Variants in RARB observed in about 807,000 individuals in gnomAD.
RARB encodes HBV-activated protein.
RARB carries 17 observed loss-of-function variants against 51.9 expected under a neutral mutation model. That is an observed-to-expected ratio of 0.33 (90% CI 0.22 to 0.49). The LOEUF is 0.49. Among genes scored for constraint, RARB ranks in the 20% least tolerant of loss-of-function variants. RARB has a pLI of 0.99. For synonymous variants in RARB, 215 were observed against 195.4 expected, an observed-to-expected ratio of 1.10 and a Z score of -0.84; for missense variants, 369 against 550.8, an observed-to-expected ratio of 0.67 and a Z score of 3.30.
intron 3 of RARB, among the ~76,000 whole-genome samples, chr3:25,092,011 T>C (rs1489878427): frequency 6.6e-6 from 1 of 152,136 alleles, no homozygotes; most frequent in Non-Finnish European, 1.5e-5. Flanking sequence ...CAATGTTCTT[T>C]TATGGACTTG....
chr3:25,209,563 C>G (rs1482593303), intron 5 of RARB, among the ~76,000 whole-genome samples: 1 of 152,264 alleles, frequency 6.6e-6, no homozygotes, highest in Non-Finnish European at 1.5e-5. Flanking sequence ...GGGAGGCAGA[C>G]CCATGGATAC....
chr3:25,384,419 T>C (rs1171398592), intron 5 of RARB, among the ~76,000 whole-genome samples: 1 of 152,230 alleles, frequency 6.6e-6, no homozygotes, highest in Non-Finnish European at 1.5e-5. Flanking sequence ...TTGTCCTCTA[T>C]ATTGGGCAAA....
chr3:24,937,061 T>C (rs182707815), intron 2 of RARB, among the ~76,000 whole-genome samples: 4 of 152,200 alleles, frequency 2.6e-5, no homozygotes, highest in Non-Finnish European at 5.9e-5. Flanking sequence ...TGTAAAAGAA[T>C]GTAACATTCA....
At chr3:25,182,269 A>G (rs1376329589) in intron 5 of RARB, among the ~76,000 whole-genome samples, 1 of 152,226 alleles carries the variant, frequency 6.6e-6, no homozygotes, top group Non-Finnish European at 1.5e-5. Context: ...TAAATGCTCT[A>G]GCTGTTGAGA....
At chr3:25,410,865 C>A (rs2125500448) in intron 5 of RARB, among the ~76,000 whole-genome samples, 1 of 152,358 alleles carries the variant, frequency 6.6e-6, no homozygotes, top group South Asian at 2.1e-4. Flanking sequence ...CCAACCCCTG[C>A]TCTGCAGAGA....
chr3:25,160,238 T>C (rs1004303393), intron 4 of RARB, among the ~76,000 whole-genome samples: 1 of 152,232 alleles, frequency 6.6e-6, no homozygotes, highest in African/African-American at 2.4e-5. Context: ...CCTTACATAA[T>C]TTCCACATGG....
intron 2 of RARB, among the ~76,000 whole-genome samples, chr3:25,011,988 A>G (rs1697408884): frequency 6.6e-6 from 1 of 152,132 alleles, no homozygotes; most frequent in Admixed American, 6.6e-5. Flanking sequence ...GGCAGACAGG[A>G]CTGACATCAT....
In RARB at chr3:25,416,800, G is replaced by A. The variant is rs545890138; in HGVS notation, c.179-44393G>A. Among the ~76,000 whole-genome samples the A allele has an allele frequency of 3.9e-5, 6 of 152,298 alleles. No homozygotes were observed. In the East Asian group the frequency reaches 5.8e-4, roughly 15 times the overall value. Reference sequence around the variant, plus strand: ...AGCCTTACTCAGTTCTTTCAGAGGGGCACGTCACTCGTTTTGTCATGGACT... The same window carrying A: ...AGCCTTACTCAGTTCTTTCAGAGGGACACGTCACTCGTTTTGTCATGGACT... On this transcript the variant is annotated intron_variant, in intron 5 of 11. Transcript: ENST00000383772.
chr3:25,088,832 T>C (rs1235564014), intron 3 of RARB, among the ~76,000 whole-genome samples: 1 of 152,114 alleles, frequency 6.6e-6, no homozygotes. Flanking sequence ...AGTTGCTGAC[T>C]GGGGAGCAGA....
intron 5 of RARB, among the ~76,000 whole-genome samples, chr3:25,197,688 C>T (rs1331184369): frequency 1.3e-5 from 2 of 151,416 alleles, no homozygotes; most frequent in Non-Finnish European, 2.9e-5. Context: ...TTCTTGATTT[C>T]AATAGTTACA....
intron 2 of RARB, among the ~76,000 whole-genome samples, chr3:25,483,445 C>CA (rs1167812335): frequency 6.6e-6 from 1 of 151,612 alleles, no homozygotes; most frequent in Admixed American, 6.6e-5. Flanking sequence ...AGAGTGATTC[C>CA]ATTTGAGTGA....
chr3:24,978,425 T>C (rs911273488), intron 2 of RARB, among the ~76,000 whole-genome samples: 7 of 152,204 alleles, frequency 4.6e-5, no homozygotes, highest in African/African-American at 1.4e-4. Context: ...ATTGCCTCAA[T>C]TTCAGAACCT....
intron 2 of RARB, among the ~76,000 whole-genome samples, chr3:24,990,025 T>G (rs1209571656): frequency 3.0e-5 from 3 of 100,294 alleles, no homozygotes; most frequent in Non-Finnish European, 3.9e-5. Flanking sequence ...GGTCTCGATC[T>G]CCTGACCTCA....
intron 2 of RARB, among the ~76,000 whole-genome samples, chr3:25,473,016 CTTG>C (rs1178561772): frequency 2.6e-5 from 4 of 152,168 alleles, no homozygotes; most frequent in East Asian, 1.9e-4. Context: ...TTTCTGTTCT[CTTG>C]TTGTATCAAA....
chr3:24,896,151 G>A (rs1703475216), intron 2 of RARB, among the ~76,000 whole-genome samples: 1 of 152,124 alleles, frequency 6.6e-6, no homozygotes, highest in South Asian at 2.1e-4. Context: ...TGAGCAACCT[G>A]GAATTGTGAA....
intron 5 of RARB, among the ~76,000 whole-genome samples, chr3:25,387,893 T>G (rs551090591): frequency 6.6e-6 from 1 of 152,192 alleles, no homozygotes; most frequent in East Asian, 1.9e-4. Flanking sequence ...AAAAGAGCAT[T>G]AAATGTTTAA....
intron 3 of RARB, among the ~76,000 whole-genome samples, chr3:25,070,381 C>G (rs1447181404): frequency 6.6e-6 from 1 of 151,980 alleles, no homozygotes; most frequent in Non-Finnish European, 1.5e-5. Flanking sequence ...TAATTTAACC[C>G]AAAACTGTGA....
intron 3 of RARB, among the ~76,000 whole-genome samples, chr3:25,503,988 C>T (rs1311708991): frequency 6.6e-6 from 1 of 152,190 alleles, no homozygotes; most frequent in Non-Finnish European, 1.5e-5. Context: ...TCGGCCACCT[C>T]TCCTCCCCAT....
At chr3:24,963,942 A>T (rs907880329) in intron 2 of RARB, among the ~76,000 whole-genome samples, 3 of 152,174 alleles carry the variant, frequency 2.0e-5, no homozygotes, top group African/African-American at 7.2e-5. Flanking sequence ...GTTTTAGTGA[A>T]TCGCCTTGTA....
Sources: gnomAD v4.1 joint callset for allele counts (sites outside exome capture counted in the v4.1 genomes callset) on GRCh38, gnomAD v4.1.1 for gene constraint, MANE v1.5 for transcripts, NCBI Gene and HGNC (gene_info 2026-07-23, HGNC 2026-07-21) for gene names.